ANKRD6: variants seen among roughly 807,000 people sequenced by gnomAD.
ANKRD6 encodes ankyrin repeat domain-containing protein 6.
In ANKRD6, 56 loss-of-function variants were observed where a neutral mutation model predicts 82.3. The ratio of observed to expected loss-of-function variants is 0.68; its 90% CI spans 0.55 to 0.85. The LOEUF (loss-of-function observed/expected upper bound fraction) is 0.85, where lower values mean the gene tolerates loss of function less well. ANKRD6 is among the 40% of genes least tolerant of loss of function. ANKRD6 has a pLI of 0.00. For synonymous variants in ANKRD6, 347 were observed against 352.1 expected (o/e 0.99, Z 0.16); for missense variants, 852 against 907.6 (o/e 0.94, Z 0.79).
At chr6:89,463,535 A>G (rs1265522788) in intron 1 of ANKRD6, among the ~76,000 whole-genome samples, 1 of 152,184 alleles carries the variant, frequency 6.6e-6, no homozygotes, top group Non-Finnish European at 1.5e-5. Context: ...ACAGTATTTC[A>G]TCAAGTTGGA....
In ANKRD6 at chr6:89,500,992, T is replaced by C. The variant is rs1006263276; in HGVS notation, c.-143-65842T>C. On this transcript the variant is annotated intron_variant, in intron 1 of 15. Transcript: ENST00000339746. The stretch of plus-strand genomic sequence containing the variant: ...TTAGTCTTTTTTTTTTTTTTTTTTT[T>C]CTAGCACAGAAAAAAGCACAGCTCT... Among the ~76,000 whole-genome samples, 6 of 150,442 alleles carry C rather than the reference T, an allele frequency of 4.0e-5. No individual in the cohort carries two copies. In the East Asian group the frequency reaches 5.8e-4, roughly 15 times the overall value.
chr6:89,555,120 G>GT (rs906557875), intron 1 of ANKRD6, among the ~76,000 whole-genome samples: 2 of 118,778 alleles, frequency 1.7e-5, no homozygotes, highest in African/African-American at 3.3e-5. Context: ...CCGCCTCAGC[G>GT]TTTTTTTATA....
At chr6:89,555,801 T>A (rs1238498264) in intron 1 of ANKRD6, among the ~76,000 whole-genome samples, 1 of 151,896 alleles carries the variant, frequency 6.6e-6, no homozygotes, top group African/African-American at 2.4e-5. Context: ...TGGACTTTGT[T>A]CTGGGGGAAA....
chr6:89,613,081 G>C (rs1194803400), intron 6 of ANKRD6, among the ~76,000 whole-genome samples: 1 of 152,202 alleles, frequency 6.6e-6, no homozygotes, highest in East Asian at 1.9e-4. Context: ...GACAGAGCTA[G>C]GATGGAAATG....
chr6:89,605,292 G>A (rs1798256073), intron 4 of ANKRD6, among the ~76,000 whole-genome samples: 1 of 152,194 alleles, frequency 6.6e-6, no homozygotes, highest in African/African-American at 2.4e-5. Context: ...TAAGGCAGGA[G>A]AATCGCTTGA....
intron 1 of ANKRD6, among the ~76,000 whole-genome samples, chr6:89,502,720 C>T (rs970544987): frequency 1.3e-5 from 2 of 152,160 alleles, no homozygotes; most frequent in Admixed American, 1.3e-4. Flanking sequence ...GAAAATATAG[C>T]AATTAAATCC....
At chr6:89,608,459 A>G (rs899153017) in intron 5 of ANKRD6, among the ~76,000 whole-genome samples, 2 of 151,548 alleles carry the variant, frequency 1.3e-5, no homozygotes, top group Non-Finnish European at 2.9e-5. Flanking sequence ...TCTGCATACA[A>G]GATCTTCAAC....
At position 89,627,584 on chromosome 6, in the gene ANKRD6, T is replaced by G; in HGVS notation, c.1373T>G (p.Met458Arg). 6.2e-7 allele frequency: 1 copy of G among 1,613,578 alleles called. No homozygotes were observed. Among genetic ancestry groups the G allele is most frequent in the Non-Finnish European group, 8.5e-7 (1 of 1,179,608 alleles). The change falls in exon 14 of 16, where the codon ATG becomes AGG. Residue 458 changes from methionine (M) to arginine (R), a missense_variant and splice_region_variant. Met to Arg is a moderately conservative substitution (Grantham distance 91). Coordinates refer to ENST00000339746, the MANE Select transcript of ANKRD6 (RefSeq NM_001242809.2). ...GQMENKTQHQ[M>R]RVLDKLMVER... The stretch of plus-strand genomic sequence containing the variant: ...CACTCTGCTCCACTTCACTCCTAGA[T>G]GCGTGTTTTGGACAAGCTGATGGTT...
intron 2 of ANKRD6, among the ~76,000 whole-genome samples, chr6:89,591,812 A>G (rs1191098172): frequency 6.6e-6 from 1 of 152,158 alleles, no homozygotes; most frequent in Admixed American, 6.5e-5. Flanking sequence ...TCTATAGGAA[A>G]CCGATTACTG....
chr6:89,460,061 C>G (rs949819230), intron 1 of ANKRD6, among the ~76,000 whole-genome samples: 1 of 150,774 alleles, frequency 6.6e-6, no homozygotes, highest in Non-Finnish European at 1.5e-5. Flanking sequence ...TTGTGGCAGT[C>G]TTTTAGAAAT....
At chr6:89,520,408 A>T (rs1263074028) in intron 1 of ANKRD6, among the ~76,000 whole-genome samples, 6 of 152,274 alleles carry the variant, frequency 3.9e-5, no homozygotes, top group South Asian at 2.1e-4. Context: ...CAAATGGGTC[A>T]GCATCACAAC....
At chr6:89,569,652 C>T (rs1006144603) in intron 2 of ANKRD6, among the ~76,000 whole-genome samples, 3 of 152,182 alleles carry the variant, frequency 2.0e-5, no homozygotes, top group East Asian at 3.8e-4. Context: ...CTGTTTAACA[C>T]GTTAAGAAAC....
chr6:89,473,315 G>A (rs1775690326), intron 1 of ANKRD6, among the ~76,000 whole-genome samples: 1 of 151,874 alleles, frequency 6.6e-6, no homozygotes, highest in Non-Finnish European at 1.5e-5. Context: ...GGAGGCTGAG[G>A]CAGGAGAATC....
chr6:89,462,270 A>AATAATAATAAT (rs779105035), intron 1 of ANKRD6, among the ~76,000 whole-genome samples: 1 of 148,626 alleles, frequency 6.7e-6, no homozygotes, highest in Non-Finnish European at 1.5e-5. Context: ...TAATAATAAT[A>AATAATAATAAT]AATACATAAA....
chr6:89,598,569 ACT>A (rs1796393167), intron 3 of ANKRD6: 1 of 225,444 alleles, frequency 4.4e-6, no homozygotes, highest in African/African-American at 2.3e-5. Context: ...CACTACACTC[ACT>A]CTTTTTCACC....
At chr6:89,628,078 T>C (rs1040372628) in intron 14 of ANKRD6, among the ~76,000 whole-genome samples, 1 of 152,192 alleles carries the variant, frequency 6.6e-6, no homozygotes, top group African/African-American at 2.4e-5. Context: ...GTGTGAGAAC[T>C]CAGGCTTTCT....
At position 89,541,124 on chromosome 6, in the gene ANKRD6, C is replaced by T. The variant is rs184695110; in HGVS notation, c.-143-25710C>T. Among the ~76,000 whole-genome samples, 481 of 151,950 alleles carry T rather than the reference C, an allele frequency of 3.2e-3. 4 individuals carry two copies. The highest frequency in any genetic ancestry group is 0.011 in the African/African-American group (455 of 41,438). On this transcript the variant is annotated intron_variant, in intron 1 of 15. Transcript: ENST00000339746. ...GGCTACTCTGGGTCTTTTGTGGTTC[C>T]GTATAAATTTTAGGATTTTTTTTTC...
intron 1 of ANKRD6, among the ~76,000 whole-genome samples, chr6:89,482,884 G>A (rs933696348): frequency 6.6e-6 from 1 of 152,032 alleles, no homozygotes; most frequent in Non-Finnish European, 1.5e-5. Context: ...CTATTCTCCC[G>A]AGTCCCCACC....
At chr6:89,556,626 C>T (rs746706790) in intron 1 of ANKRD6, among the ~76,000 whole-genome samples, 42 of 152,294 alleles carry the variant, frequency 2.8e-4, no homozygotes, top group Admixed American at 4.6e-4. Flanking sequence ...AGTTAGAGAC[C>T]GTTGCAATAA....
Sources: allele counts gnomAD v4.1 joint callset (sites outside exome capture counted in the v4.1 genomes callset), GRCh38; gene constraint gnomAD v4.1.1; transcripts MANE v1.5; gene names NCBI Gene and HGNC (gene_info 2026-07-23, HGNC 2026-07-21).